CMPK2: variants seen among roughly 807,000 people sequenced by gnomAD.
The protein encoded by CMPK2 is UMP-CMP kinase 2, mitochondrial.
A neutral mutation model predicts 33.4 loss-of-function variants in CMPK2; 32 were observed. That is an observed-to-expected ratio of 0.96 (90% confidence interval 0.72 to 1.29). The LOEUF is 1.29. Among genes scored for constraint, CMPK2 ranks in the 50% most tolerant of loss-of-function variants. The pLI is 0.00. For synonymous variants in CMPK2, 299 were observed against 275.3 expected (o/e 1.09, Z -0.85); for missense variants, 672 against 616.0 (o/e 1.09, Z -0.96).
At chr2:6,851,276 A>C (rs1662512924) in intron 4 of CMPK2, 174 bp downstream of exon 4, 2 of 1,444,286 alleles carry the variant, frequency 1.4e-6, no homozygotes, top group Non-Finnish European at 1.8e-6. Context: ...ACAATGCTGC[A>C]GCCCTGTGGT....
downstream of CMPK2, among the ~76,000 whole-genome samples, chr2:6,843,631 T>C (rs1435090946): frequency 1.3e-5 from 2 of 152,138 alleles, no homozygotes; most frequent in African/African-American, 4.8e-5. Flanking sequence ...AAAGAATCTG[T>C]CCTGGAACCG....
In CMPK2 at chr2:6,851,616, G is replaced by C; in HGVS notation, c.1060C>G (p.Pro354Ala). The change falls in exon 4 of 5, where the codon CCA (proline) becomes GCA (alanine). Residue 354 changes from proline to alanine, a missense_variant. Physicochemically the swap from Pro to Ala is conservative, Grantham distance 27. Coordinates refer to ENST00000256722, the MANE Select transcript of CMPK2 (RefSeq NM_207315.4). ...EVSGGLQHLPPAHHPVYQWPE... is the reference protein window; with the variant it reads ...EVSGGLQHLPAAHHPVYQWPE... Reference sequence around the variant, plus strand: ...CACTGGTACACAGGGTGATGGGCTGGGGGCAGGTGCTGGAGACCCCCACTC... The same window carrying C: ...CACTGGTACACAGGGTGATGGGCTGCGGGCAGGTGCTGGAGACCCCCACTC... 1 of 1,614,154 alleles carries C rather than the reference G, an allele frequency of 6.2e-7. No homozygotes were observed. The highest frequency in any genetic ancestry group is 8.5e-7 in the Non-Finnish European group (1 of 1,180,028).
Position 6,849,895 on chromosome 2 carries a change from C to T in CMPK2, c.1305G>A (p.Leu435=), listed in dbSNP as rs540015382. The change falls in exon 5 of 5, where the codon CTG becomes CTA. Residue 435 remains leucine (L), a synonymous_variant. Transcript: ENST00000256722. The stretch of plus-strand genomic sequence containing the variant: ...TCTGGATTAGGCTTAATACCGTCTG[C>T]AGGACCTTTTCTCTGGAGGGGCTGG... ...VDASPSREKV[L]QTVLSLIQNS... 1 of 1,614,178 alleles carries T rather than the reference C, an allele frequency of 6.2e-7. No individual in the cohort carries two copies. The highest frequency in any genetic ancestry group is 1.3e-5 in the African/African-American group (1 of 75,046).
chr2:6,862,671 C>T (rs1167797579), intron 2 of CMPK2, among the ~76,000 whole-genome samples: 1 of 152,214 alleles, frequency 6.6e-6, no homozygotes, highest in Non-Finnish European at 1.5e-5. Flanking sequence ...TCCCTGAAGG[C>T]CAGGACATGG....
At chr2:6,853,775 A>C (rs549864626) in intron 3 of CMPK2, among the ~76,000 whole-genome samples, 48 of 151,986 alleles carry the variant, frequency 3.2e-4, no homozygotes, top group African/African-American at 1.1e-3. Flanking sequence ...GGTGGCGGGC[A>C]CCTGTAGTCC....
chr2:6,850,970 T>C, intron 4 of CMPK2: 1 of 996,140 alleles, frequency 1.0e-6, no homozygotes, highest in Non-Finnish European at 1.2e-6. Flanking sequence ...AATAGTTATG[T>C]ACATTTAGAC....
intron 2 of CMPK2, among the ~76,000 whole-genome samples, chr2:6,862,932 T>C (rs1662925953): frequency 6.6e-6 from 1 of 152,204 alleles, no homozygotes; most frequent in South Asian, 2.1e-4. Context: ...TGTACTTTGG[T>C]CTCATGTGAG....
intron 3 of CMPK2, among the ~76,000 whole-genome samples, chr2:6,858,520 G>A (rs1035864111): frequency 6.6e-6 from 1 of 152,196 alleles, no homozygotes; most frequent in African/African-American, 2.4e-5. Flanking sequence ...TGTTGTTGGA[G>A]GGACCCAGTG....
chr2:6,845,340 T>C (rs1430920639), downstream of CMPK2, among the ~76,000 whole-genome samples: 1 of 152,070 alleles, frequency 6.6e-6, no homozygotes, highest in Admixed American at 6.5e-5. Context: ...CTCGAGGAGA[T>C]TACAGACTGC....
chr2:6,862,801 T>C (rs1360922755), intron 2 of CMPK2, among the ~76,000 whole-genome samples: 1 of 152,220 alleles, frequency 6.6e-6, no homozygotes, highest in African/African-American at 2.4e-5. Flanking sequence ...TAAAAGTCTG[T>C]ACCCCTCAAG....
chr2:6,846,049 G>A (rs553771553), downstream of CMPK2, among the ~76,000 whole-genome samples: 8 of 152,288 alleles, frequency 5.3e-5, no homozygotes, highest in South Asian at 1.7e-3. Flanking sequence ...GGGAAACAAG[G>A]AGTTTGGGGC....
rs369041857 is a variant in CMPK2, at chr2:6,861,394, C to A, written c.791-9G>T. On this transcript the variant is annotated splice_polypyrimidine_tract_variant and intron_variant, in intron 2 of 4. Coordinates refer to ENST00000256722, the MANE Select transcript of CMPK2 (RefSeq NM_207315.4). Reference sequence around the variant, plus strand: ...GGTCACCGTGGTTTTACCTGCAGGTCATACACAAAATATATACATCTTAAC... The same window carrying A: ...GGTCACCGTGGTTTTACCTGCAGGTAATACACAAAATATATACATCTTAAC... 5.6e-6 allele frequency: 9 copies of A among 1,610,766 alleles called. No individual in the cohort carries two copies. Among genetic ancestry groups the A allele is most frequent in the Non-Finnish European group, 7.6e-6 (9 of 1,177,298 alleles).
Position 6,865,521 on chromosome 2 carries a change from T to C in CMPK2, c.176A>G (p.Asp59Gly). The change falls in exon 1 of 5, where the codon GAC becomes GGC. Residue 59 changes from aspartate to glycine, a missense_variant. Physicochemically the swap from Asp to Gly is moderately conservative, Grantham distance 94. Coordinates refer to ENST00000256722, the MANE Select transcript of CMPK2 (RefSeq NM_207315.4). Reference protein sequence around the residue: ...ADAPGDADAPDPRLAALLGPP... With the variant: ...ADAPGDADAPGPRLAALLGPP... ...CCCCAGCAGCGCCGCCAGGCGGGGG[T>C]CGGGGGCGTCTGCGTCGCCGGGGGC... 7.8e-7 allele frequency: 1 copy of C among 1,286,254 alleles called. No homozygotes were observed. Among genetic ancestry groups the C allele is most frequent in the Non-Finnish European group, 9.8e-7 (1 of 1,021,566 alleles). 79.7% of individuals were successfully genotyped at this position (1,286,254 alleles called of 1,614,324 possible).
intron 4 of CMPK2, chr2:6,851,060 T>A: frequency 2.8e-6 from 3 of 1,062,990 alleles, no homozygotes; most frequent in Non-Finnish European, 3.4e-6. Flanking sequence ...TGACATAACA[T>A]CAGTAAAATG....
At chr2:6,856,022 T>C (rs76078574) in intron 3 of CMPK2, among the ~76,000 whole-genome samples, 3,159 of 152,290 alleles carry the variant, frequency 0.021, 92 homozygotes, top group African/African-American at 0.067. Context: ...TCAACAGGGC[T>C]GTTAGTCACA....
Position 6,848,898 on chromosome 2 carries a change from CTTAT to C in CMPK2, c.*948_*951del, listed in dbSNP as rs1038980077. 6.1e-6 allele frequency: 6 copies of C among 985,744 alleles called. No homozygotes were observed. The African/African-American group carries it at 1.0e-4, about 17-fold the overall frequency. 61.1% of individuals were successfully genotyped at this position (985,744 alleles called of 1,614,324 possible). On this transcript the variant is annotated 3_prime_UTR_variant, in exon 5 of 5. Transcript: ENST00000256722. The stretch of plus-strand genomic sequence containing the variant: ...AAATCCCACTCCAAGATCCACTGTA[CTTAT>C]TTAACAAGACAAATTAAGTTTGTGT...
chr2:6,862,350 C>T (rs888679913), intron 2 of CMPK2, among the ~76,000 whole-genome samples: 8 of 152,182 alleles, frequency 5.3e-5, no homozygotes, highest in African/African-American at 1.9e-4. Context: ...AATAAATTTA[C>T]CCAAACTCAC....
intron 3 of CMPK2, 96 bp from the exon 4 acceptor site, chr2:6,851,779 T>C: frequency 9.0e-7 from 1 of 1,113,022 alleles, no homozygotes; most frequent in Non-Finnish European, 1.3e-6. Flanking sequence ...CAGGGTTGGC[T>C]CTACAGAAGT....
At chr2:6,853,226 A>G (rs1346697829) in intron 3 of CMPK2, among the ~76,000 whole-genome samples, 1 of 152,182 alleles carries the variant, frequency 6.6e-6, no homozygotes, top group Non-Finnish European at 1.5e-5. Context: ...CTGGAATTAC[A>G]GGCGTGAGGT....
Sources: allele counts gnomAD v4.1 joint callset (sites outside exome capture counted in the v4.1 genomes callset), GRCh38; gene constraint gnomAD v4.1.1; transcripts MANE v1.5; gene names NCBI Gene and HGNC (gene_info 2026-07-23, HGNC 2026-07-21).